E2F3: variants seen among roughly 807,000 people sequenced by gnomAD.
E2F3 encodes the protein transcription factor E2F3.
In E2F3, 11 loss-of-function variants were observed where a neutral mutation model predicts 44.4. The ratio of observed to expected loss-of-function variants is 0.25; its 90% CI spans 0.16 to 0.41. The LOEUF (loss-of-function observed/expected upper bound fraction) is 0.41. Ranked by LOEUF, E2F3 falls within the 10% of genes least tolerant of loss-of-function variation. The pLI, the probability that E2F3 is intolerant of heterozygous loss-of-function variation, is 1.00. For missense variants in E2F3, 487 were observed against 583.6 expected (o/e 0.83, Z 1.70); for synonymous variants, 249 against 253.0 (o/e 0.98, Z 0.15).
At chr6:20,413,711 G>A (rs1047141433) in intron 1 of E2F3, among the ~76,000 whole-genome samples, 4 of 152,178 alleles carry the variant, frequency 2.6e-5, no homozygotes, top group Non-Finnish European at 4.4e-5. Flanking sequence ...ATTCTGTCTG[G>A]TCTGGACCTG....
rs937749269 is a variant in E2F3, at chr6:20,403,847, C to T, written c.393+1222C>T. 6.9e-6 allele frequency: 10 copies of T among 1,459,746 alleles called. No homozygotes were observed. In the East Asian group the frequency reaches 2.9e-4, roughly 42 times the overall value. 90.4% of individuals were successfully genotyped at this position (1,459,746 alleles called of 1,614,324 possible). On this transcript the variant is annotated intron_variant, in intron 1 of 6. Transcript: ENST00000346618. ...TACAGCAGCAGGTTAGTGACCGGGA[C>T]GGCTCGGGGGCCGCCGACGCCGCGG...
intron 1 of E2F3, among the ~76,000 whole-genome samples, chr6:20,403,172 G>T (rs1381031909): frequency 1.3e-5 from 2 of 149,114 alleles, no homozygotes; most frequent in African/African-American, 4.9e-5. Flanking sequence ...CACATTTTAG[G>T]ATCTGTAACT....
intron 4 of E2F3, among the ~76,000 whole-genome samples, chr6:20,483,443 G>T (rs1004938714): frequency 6.6e-6 from 1 of 152,110 alleles, no homozygotes; most frequent in African/African-American, 2.4e-5. Context: ...TGAAAGAGTA[G>T]AGAAAAATCA....
Position 20,402,480 on chromosome 6 carries a change from C to A in E2F3, c.248C>A (p.Pro83His), listed in dbSNP as rs748642087. ...SLQSGAVAAG[P>H]LLPSAPGAEQ... ...CAAAGCGGCGCCGTAGCCGCCGGCC[C>A]CCTCCTCCCCAGTGCCCCCGGCGCG... Residue 83 changes from proline to histidine, a missense_variant, in exon 1 of 7, where the codon CCC (proline) becomes CAC (histidine). Pro to His is a moderately conservative substitution (Grantham distance 77, BLOSUM62 -2). Transcript: ENST00000346618. The surrounding 1 kb of genome is among the most constrained non-coding windows in gnomAD (Gnocchi z 5.6). The A allele has an allele frequency of 2.5e-6, 4 of 1,608,806 alleles. No individual in the cohort carries two copies. Among genetic ancestry groups the A allele is most frequent in the Non-Finnish European group, 3.4e-6 (4 of 1,179,352 alleles).
At chr6:20,486,857 A>G in intron 5 of E2F3, 54 bp downstream of exon 5, 1 of 1,162,448 alleles carries the variant, frequency 8.6e-7, no homozygotes, top group Non-Finnish European at 1.3e-6. Flanking sequence ...AATGCCTGAA[A>G]TTGAATGACT....
intron 1 of E2F3, among the ~76,000 whole-genome samples, chr6:20,476,853 C>G (rs963812692): frequency 1.3e-5 from 2 of 152,192 alleles, no homozygotes; most frequent in East Asian, 1.9e-4. Flanking sequence ...CAGGCCCACA[C>G]AAGGACTTGA....
chr6:20,438,183 A>G (rs1760655358), intron 1 of E2F3, among the ~76,000 whole-genome samples: 2 of 152,202 alleles, frequency 1.3e-5, no homozygotes, highest in Non-Finnish European at 2.9e-5. Flanking sequence ...ATACTCACCC[A>G]ATTTACCTTA....
intron 1 of E2F3, among the ~76,000 whole-genome samples, chr6:20,477,330 ATGTATTATATAC>A (rs1426771060): frequency 1.3e-5 from 2 of 152,174 alleles, no homozygotes; most frequent in African/African-American, 4.8e-5. Context: ...CATATGGTAT[ATGTATTATATAC>A]TGTATTCTTA....
intron 1 of E2F3, among the ~76,000 whole-genome samples, chr6:20,434,190 A>G (rs1231941923): frequency 6.6e-6 from 1 of 152,232 alleles, no homozygotes; most frequent in Non-Finnish European, 1.5e-5. Context: ...AATTAAAAAC[A>G]GCCTAAATTC....
Position 20,439,491 on chromosome 6 carries a change from TG to T in E2F3, c.393+36867del, listed in dbSNP as rs557868161. 2.7e-3 allele frequency among the ~76,000 whole-genome samples: 418 copies of T among 152,338 alleles called. 1 individual carries two copies. The highest frequency in any genetic ancestry group is 6.8e-3 in the Middle Eastern group (2 of 294). ...TGTAAGTCTTTCCACTGATTACAAG[TG>T]CAGTGACATGTCCCTCTGCAACCAT... On this transcript the variant is annotated intron_variant, in intron 1 of 6. Transcript: ENST00000346618.
At chr6:20,447,310 A>G (rs1561865040) in intron 1 of E2F3, among the ~76,000 whole-genome samples, 1 of 151,976 alleles carries the variant, frequency 6.6e-6, no homozygotes, top group African/African-American at 2.4e-5. Context: ...CTACGTTATT[A>G]GTGGGATGTG....
intron 1 of E2F3, among the ~76,000 whole-genome samples, chr6:20,442,767 G>A (rs1760818171): frequency 6.6e-6 from 1 of 151,998 alleles, no homozygotes; most frequent in African/African-American, 2.4e-5. Context: ...GTCAGGAGTT[G>A]GAGATCAGCC....
At chr6:20,480,817 C>G (rs1490678163) in intron 2 of E2F3, among the ~76,000 whole-genome samples, 1 of 152,196 alleles carries the variant, frequency 6.6e-6, no homozygotes, top group Non-Finnish European at 1.5e-5. Context: ...AGACTCATAG[C>G]CTGGCTCCAT....
chr6:20,484,581 C>A (rs576941051), intron 4 of E2F3, among the ~76,000 whole-genome samples: 5 of 152,112 alleles, frequency 3.3e-5, no homozygotes, highest in Non-Finnish European at 7.4e-5. Flanking sequence ...TAAAGGCATC[C>A]GTTGACTTCT....
In E2F3 at chr6:20,454,779, C is replaced by T. The variant is rs369670273; in HGVS notation, c.394-25067C>T. ...AAATACTTCTGATGACTGTTAGCCACGCCATAATGGTGCTTGTATTTGGCA... is the reference window on the plus strand; with the variant it reads ...AAATACTTCTGATGACTGTTAGCCATGCCATAATGGTGCTTGTATTTGGCA... On this transcript the variant is annotated intron_variant, in intron 1 of 6. Coordinates refer to ENST00000346618, the MANE Select transcript of E2F3 (RefSeq NM_001949.5). Among the ~76,000 whole-genome samples, 88 of 152,312 alleles carry T rather than the reference C, an allele frequency of 5.8e-4. 2 individuals carry two copies. The South Asian group carries it at 0.014, about 24-fold the overall frequency.
chr6:20,434,042 C>T (rs879790699), intron 1 of E2F3, among the ~76,000 whole-genome samples: 2 of 152,206 alleles, frequency 1.3e-5, no homozygotes, highest in Admixed American at 1.3e-4. Flanking sequence ...AAGTGATGCT[C>T]ACCTTATCAG....
At position 20,481,744 on chromosome 6, in the gene E2F3, C is replaced by T. The variant is rs955828717; in HGVS notation, c.725+319C>T. 6.6e-5 allele frequency among the ~76,000 whole-genome samples: 10 copies of T among 152,246 alleles called. No individual in the cohort carries two copies. In the East Asian group the frequency reaches 1.9e-3, roughly 29 times the overall value. On this transcript the variant is annotated intron_variant, in intron 3 of 6. Transcript: ENST00000346618. ...TCTGTTACATAGATGTCTGTGTGCA[C>T]CCACGTGTGTATCTGACAGATGTGT...
chr6:20,478,990 C>T (rs1416060996), intron 1 of E2F3, among the ~76,000 whole-genome samples: 1 of 152,132 alleles, frequency 6.6e-6, no homozygotes, highest in Non-Finnish European at 1.5e-5. Flanking sequence ...CTCGAAGCCC[C>T]TTATCTATCT....
intron 1 of E2F3, among the ~76,000 whole-genome samples, chr6:20,424,249 G>GTT (rs1554135932): frequency 4.1e-5 from 6 of 145,924 alleles, no homozygotes; most frequent in South Asian, 2.1e-4. Context: ...GTGTGTGTGT[G>GTT]TTTTAAAGGT....
Sources: gnomAD v4.1 joint callset for allele counts (sites outside exome capture counted in the v4.1 genomes callset) on GRCh38, gnomAD v4.1.1 for gene constraint, Gnocchi (gnomAD v3.1) non-coding constraint, MANE v1.5 for transcripts, NCBI Gene and HGNC (gene_info 2026-07-23, HGNC 2026-07-21) for gene names.